Variants in JPH3 observed in about 807,000 individuals in gnomAD.
JPH3 encodes the protein junctophilin-3.
JPH3 carries 11 observed loss-of-function variants against 59.6 expected under a neutral mutation model. The observed-to-expected ratio is 0.18, with a 90% CI of 0.12 to 0.31. The LOEUF (loss-of-function observed/expected upper bound fraction) is 0.31, where lower values mean the gene tolerates loss of function less well. Ranked by LOEUF, JPH3 falls within the 10% of genes least tolerant of loss-of-function variation. The pLI, the probability that JPH3 is intolerant of heterozygous loss-of-function variation, is 1.00. For synonymous variants in JPH3, 673 were observed against 483.6 expected, an observed-to-expected ratio of 1.39 and a Z score of -5.14; for missense variants, 1,202 against 1,105.7, an observed-to-expected ratio of 1.09 and a Z score of -1.24.
chr16:87,678,269 C>T (rs896346626), intron 2 of JPH3, among the ~76,000 whole-genome samples: 8 of 150,464 alleles, frequency 5.3e-5, no homozygotes, highest in Non-Finnish European at 4.4e-5. Flanking sequence ...ACCAGCCAGG[C>T]GTGGTGGCTC....
At chr16:87,613,257 C>T (rs1174892880) in intron 1 of JPH3, among the ~76,000 whole-genome samples, 25 of 150,034 alleles carry the variant, frequency 1.7e-4, no homozygotes, top group African/African-American at 4.2e-4. Context: ...CCACCACGTC[C>T]GGCTAATTTT....
chr16:87,674,040 A>AC (rs1455630302), intron 2 of JPH3, among the ~76,000 whole-genome samples: 4 of 151,382 alleles, frequency 2.6e-5, no homozygotes, highest in African/African-American at 9.7e-5. Context: ...AGTTAAAAAA[A>AC]AAAACAAAAA....
At position 87,644,271 on chromosome 16, in the gene JPH3, C is replaced by T. The variant is rs1597257024; in HGVS notation, c.396C>T (p.Gly132=). ...ETYSDGGTYQ[G]QWVGGMRQGY... The stretch of plus-strand genomic sequence containing the variant: ...TTTTCTCCCCAGGGACCTACCAGGG[C>T]CAGTGGGTCGGTGGCATGCGCCAGG... Residue 132 remains glycine, a synonymous_variant, in exon 2 of 5, where the codon GGC becomes GGT. Coordinates refer to ENST00000284262, the MANE Select transcript of JPH3 (RefSeq NM_020655.4). 8.7e-6 allele frequency: 14 copies of T among 1,607,858 alleles called. No individual in the cohort carries two copies. Among genetic ancestry groups the T allele is most frequent in the Admixed American group, 1.7e-5 (1 of 59,638 alleles).
rs1441949555 is a variant in JPH3, at chr16:87,698,068, C to G, written c.*1408C>G. 1 of 152,634 alleles carries G rather than the reference C, an allele frequency of 6.6e-6. No homozygotes were observed. The highest frequency in any genetic ancestry group is 1.5e-5 in the Non-Finnish European group (1 of 68,048). 9.5% of individuals were successfully genotyped at this position (152,634 alleles called of 1,614,324 possible). On this transcript the variant is annotated 3_prime_UTR_variant, in exon 5 of 5. Transcript: ENST00000284262. ...TTATGTTTAGCTGTTTCTCTGCTAC[C>G]TTTCGAGCAGACTTCTTTACTACAC...
In JPH3 at chr16:87,684,987, G is replaced by A. The variant is rs139882970; in HGVS notation, c.1285+721G>A. Among the ~76,000 whole-genome samples the A allele has an allele frequency of 1.7e-3, 260 of 152,308 alleles. 9 individuals carry two copies. In the East Asian group the frequency reaches 0.044, roughly 26 times the overall value. ...GAGGCCCCAGAGAATGGGGTTAGGA[G>A]CGCGCCCCCTCAACCCGAGCTCTGA... On this transcript the variant is annotated intron_variant, in intron 3 of 4. Coordinates refer to ENST00000284262, the MANE Select transcript of JPH3 (RefSeq NM_020655.4).
intron 2 of JPH3, among the ~76,000 whole-genome samples, chr16:87,647,887 C>A (rs2150848275): frequency 6.6e-6 from 1 of 152,364 alleles, no homozygotes; most frequent in East Asian, 1.9e-4. Context: ...CTCACCCTTG[C>A]CTCTGAGACC....
chr16:87,632,687 A>G (rs1418524609), intron 1 of JPH3, among the ~76,000 whole-genome samples: 1 of 152,188 alleles, frequency 6.6e-6, no homozygotes, highest in Non-Finnish European at 1.5e-5. Context: ...GAGGTCAGGA[A>G]TTCGACACCA....
chr16:87,661,828 C>G (rs941501706), intron 2 of JPH3, among the ~76,000 whole-genome samples: 2 of 152,230 alleles, frequency 1.3e-5, no homozygotes, highest in Non-Finnish European at 2.9e-5. Context: ...GGGTGCAACT[C>G]AGCATTTCCC....
chr16:87,677,031 C>T (rs976580975), intron 2 of JPH3, among the ~76,000 whole-genome samples: 23 of 151,674 alleles, frequency 1.5e-4, no homozygotes, highest in South Asian at 6.2e-4. Flanking sequence ...TGGTGGCGGG[C>T]GCCTGTAGTC....
intron 1 of JPH3, among the ~76,000 whole-genome samples, chr16:87,612,368 G>A (rs559557001): frequency 6.6e-6 from 1 of 152,054 alleles, no homozygotes; most frequent in African/African-American, 2.4e-5. Flanking sequence ...CAAGCGATCC[G>A]CCCACCTTGG....
intron 3 of JPH3, among the ~76,000 whole-genome samples, chr16:87,686,389 G>T (rs1468156812): frequency 2.3e-5 from 3 of 132,980 alleles, no homozygotes; most frequent in Admixed American, 1.4e-4. Flanking sequence ...TTCCCAGAGG[G>T]CTCAGTCCTG....
At chr16:87,633,742 G>A (rs2031640402) in intron 1 of JPH3, among the ~76,000 whole-genome samples, 1 of 151,864 alleles carries the variant, frequency 6.6e-6, no homozygotes, top group Non-Finnish European at 1.5e-5. Context: ...GAGGTTGCAG[G>A]GAGCCAAGAT....
intron 1 of JPH3, among the ~76,000 whole-genome samples, chr16:87,637,590 C>T (rs967143587): frequency 6.6e-6 from 1 of 152,106 alleles, no homozygotes; most frequent in South Asian, 2.1e-4. Context: ...GTTGTAAAGA[C>T]AAAGCTGGGT....
chr16:87,660,037 G>A (rs911709817), intron 2 of JPH3, among the ~76,000 whole-genome samples: 11 of 152,046 alleles, frequency 7.2e-5, no homozygotes, highest in African/African-American at 2.2e-4. Context: ...GGAGGTCGGG[G>A]GTACCAAGCC....
rs754027911 is a variant in JPH3, at chr16:87,645,004, G to A, written c.1129G>A (p.Ala377Thr). 31 of 1,606,162 alleles carry A rather than the reference G, an allele frequency of 1.9e-5. No homozygotes were observed. Among genetic ancestry groups the A allele is most frequent in the East Asian group, 1.6e-4 (7 of 44,858 alleles). Residue 377 changes from alanine to threonine, a missense_variant, in exon 2 of 5, where the codon GCC becomes ACC. Transcript: ENST00000284262. ...VEAAERAATI[A>T]KQKAEIAASR... ...GGCCGCTGAGCGGGCCGCCACCATC[G>A]CCAAGCAGAAGGCTGAGATCGCGGC...
chr16:87,636,116 G>A (rs919721655), intron 1 of JPH3, among the ~76,000 whole-genome samples: 2 of 152,220 alleles, frequency 1.3e-5, no homozygotes, highest in African/African-American at 4.8e-5. Context: ...CACACAAGCC[G>A]CCTGTTCTGC....
At chr16:87,609,234 T>C (rs762354866) in intron 1 of JPH3, among the ~76,000 whole-genome samples, 1 of 152,198 alleles carries the variant, frequency 6.6e-6, no homozygotes, top group African/African-American at 2.4e-5. Context: ...GGAGGTGGGT[T>C]TGGGGGTGAG....
chr16:87,683,315 T>C (rs2033340274), intron 2 of JPH3, among the ~76,000 whole-genome samples: 1 of 152,120 alleles, frequency 6.6e-6, no homozygotes, highest in East Asian at 1.9e-4. Flanking sequence ...TTTTCTTTTT[T>C]TTTTTTTGAG....
chr16:87,624,214 G>A (rs2150831015), intron 1 of JPH3, among the ~76,000 whole-genome samples: 1 of 152,334 alleles, frequency 6.6e-6, no homozygotes, highest in Middle Eastern at 3.4e-3. Context: ...GTACAGTCCA[G>A]TGGTTTCTAG....
Sources: allele counts gnomAD v4.1 joint callset (sites outside exome capture counted in the v4.1 genomes callset), GRCh38; gene constraint gnomAD v4.1.1; transcripts MANE v1.5; gene names NCBI Gene and HGNC (gene_info 2026-07-23, HGNC 2026-07-21).